ULK4: variants seen among roughly 807,000 people sequenced by gnomAD.
ULK4 encodes the protein inactive serine/threonine-protein kinase ULK4.
In ULK4, 133 loss-of-function variants were observed where a neutral mutation model predicts 160.6. The observed-to-expected ratio is 0.83, with a 90% confidence interval of 0.72 to 0.96. ULK4 has a LOEUF of 0.96. Among genes scored for constraint, ULK4 ranks in the 40% least tolerant of loss-of-function variants. The pLI is 0.00. For synonymous variants in ULK4, 534 were observed against 539.8 expected (o/e 0.99, Z 0.15); for missense variants, 1,580 against 1,499.5 (o/e 1.05, Z -0.89).
At chr3:41,576,821 G>A (rs2088205818) in intron 31 of ULK4, among the ~76,000 whole-genome samples, 1 of 152,094 alleles carries the variant, frequency 6.6e-6, no homozygotes, top group Non-Finnish European at 1.5e-5. Context: ...CATTTGCACT[G>A]GCATGGAAAA....
At chr3:41,465,681 G>C (rs930826170) in intron 32 of ULK4, among the ~76,000 whole-genome samples, 2 of 152,034 alleles carry the variant, frequency 1.3e-5, no homozygotes, top group Admixed American at 1.3e-4. Flanking sequence ...CCTGTAAATT[G>C]GTAATTGCAC....
chr3:41,857,536 G>C (rs1032673060), intron 17 of ULK4, among the ~76,000 whole-genome samples: 10 of 152,126 alleles, frequency 6.6e-5, no homozygotes, highest in Non-Finnish European at 1.5e-4. Flanking sequence ...AGTAGGATTG[G>C]TATCAGTTGG....
intron 5 of ULK4, among the ~76,000 whole-genome samples, chr3:41,925,624 C>T (rs945369404): frequency 5.9e-5 from 9 of 152,188 alleles, no homozygotes; most frequent in African/African-American, 1.7e-4. Flanking sequence ...GTCCCACCCC[C>T]ACGGAGCCCA....
intron 36 of ULK4, among the ~76,000 whole-genome samples, chr3:41,248,712 C>T (rs1361621187): frequency 6.6e-6 from 1 of 152,218 alleles, no homozygotes; most frequent in African/African-American, 2.4e-5. Flanking sequence ...ATTCCAGGTC[C>T]AGTGAAGGTC....
intron 2 of ULK4, among the ~76,000 whole-genome samples, chr3:41,949,754 T>C (rs1239947794): frequency 2.6e-5 from 4 of 151,668 alleles, no homozygotes; most frequent in African/African-American, 9.7e-5. Context: ...TCTTTCTTTT[T>C]TTTTGAGACA....
intron 22 of ULK4, among the ~76,000 whole-genome samples, chr3:41,749,011 C>T (rs1454176406): frequency 2.0e-5 from 3 of 152,210 alleles, no homozygotes; most frequent in Admixed American, 2.0e-4. Context: ...CTAGATACTT[C>T]AGCTGGTCCC....
chr3:41,523,021 G>C (rs148197727), intron 32 of ULK4, among the ~76,000 whole-genome samples: 8 of 152,064 alleles, frequency 5.3e-5, no homozygotes, highest in Non-Finnish European at 7.4e-5. Flanking sequence ...AAGCGATTCT[G>C]CCTCAGCCTC....
chr3:41,723,573 G>T (rs1053033957), intron 22 of ULK4, among the ~76,000 whole-genome samples: 2 of 152,018 alleles, frequency 1.3e-5, no homozygotes, highest in Non-Finnish European at 2.9e-5. Context: ...AGGAAAGAGG[G>T]GTAAAAGATC....
intron 35 of ULK4, among the ~76,000 whole-genome samples, chr3:41,312,386 G>T (rs2080068040): frequency 6.6e-6 from 1 of 152,108 alleles, no homozygotes; most frequent in Non-Finnish European, 1.5e-5. Flanking sequence ...AGTTCAATTA[G>T]AAGTCAATAA....
Position 41,879,270 on chromosome 3 carries a change from A to G in ULK4, c.1656+4604T>C, listed in dbSNP as rs182142243. 2.4e-3 allele frequency among the ~76,000 whole-genome samples: 364 copies of G among 152,168 alleles called. 1 individual carries two copies. The highest frequency in any genetic ancestry group is 4.1e-3 in the Non-Finnish European group (282 of 68,000). The stretch of plus-strand genomic sequence containing the variant: ...TGTGATAATGAAATCATGGTTATAC[A>G]TTTTTCTAATCCTTTTCTGCTAGCA... On this transcript the variant is annotated intron_variant, in intron 17 of 36. Transcript: ENST00000301831.
intron 32 of ULK4, among the ~76,000 whole-genome samples, chr3:41,514,913 G>A (rs2085700341): frequency 6.6e-6 from 1 of 151,892 alleles, no homozygotes; most frequent in Non-Finnish European, 1.5e-5. Flanking sequence ...GTACAAATAA[G>A]AAAAAAAGAA....
chr3:41,668,186 G>A (rs2035411389), intron 29 of ULK4, among the ~76,000 whole-genome samples: 1 of 152,176 alleles, frequency 6.6e-6, no homozygotes, highest in African/African-American at 2.4e-5. Context: ...AGTGTGCTCT[G>A]AGAATTTGAA....
rs1162937870 is a variant in ULK4 at position 41,954,605 on chromosome 3, G to A, written c.138+17C>T. On this transcript the variant is annotated intron_variant, in intron 2 of 36. Transcript: ENST00000301831. ...AGCTCTCTCTTTCCCCATGCCAATG[G>A]AAATACACTGACTTACCCAGTTGGT... 1 of 1,607,310 alleles carries A rather than the reference G, an allele frequency of 6.2e-7. No homozygotes were observed. Among genetic ancestry groups the A allele is most frequent in the African/African-American group, 1.3e-5 (1 of 74,606 alleles).
intron 17 of ULK4, among the ~76,000 whole-genome samples, chr3:41,860,899 G>GT (rs2042485255): frequency 6.6e-6 from 1 of 151,204 alleles, no homozygotes; most frequent in Non-Finnish European, 1.5e-5. Context: ...TTTTTTTGTT[G>GT]TTGTTTGTTT....
At chr3:41,566,209 T>TG (rs1318002344) in intron 31 of ULK4, 79 bp from the exon 32 acceptor site, 5 of 1,231,206 alleles carry the variant, frequency 4.1e-6, no homozygotes, top group Non-Finnish European at 5.9e-6. Flanking sequence ...GCAAATGATG[T>TG]CCACTGCTTC....
At chr3:41,891,982 CTA>C (rs1201767425) in intron 16 of ULK4, among the ~76,000 whole-genome samples, 3 of 152,098 alleles carry the variant, frequency 2.0e-5, no homozygotes, top group Non-Finnish European at 4.4e-5. Flanking sequence ...AACAGGAAAA[CTA>C]TGTTTTTAAT....
chr3:41,368,626 G>A (rs1027371574), intron 35 of ULK4, among the ~76,000 whole-genome samples: 2 of 152,134 alleles, frequency 1.3e-5, no homozygotes, highest in African/African-American at 4.8e-5. Flanking sequence ...TTACATAAAT[G>A]TAATCACACA....
At chr3:41,956,190 T>C (rs989263224) in intron 1 of ULK4, among the ~76,000 whole-genome samples, 28 of 152,186 alleles carry the variant, frequency 1.8e-4, no homozygotes, top group Non-Finnish European at 4.0e-4. Context: ...AGCATCTGAC[T>C]GGTTGCAGAG....
chr3:41,731,668 T>A (rs1575619085), intron 22 of ULK4, among the ~76,000 whole-genome samples: 1 of 137,746 alleles, frequency 7.3e-6, no homozygotes, highest in East Asian at 2.0e-4. Context: ...GCCAAATCAA[T>A]TTTGGGGGAA....
Sources: gnomAD v4.1 joint callset for allele counts (sites outside exome capture counted in the v4.1 genomes callset) on GRCh38, gnomAD v4.1.1 for gene constraint, MANE v1.5 for transcripts, NCBI Gene and HGNC (gene_info 2026-07-23, HGNC 2026-07-21) for gene names.